Variants in SSBP3 observed in about 807,000 individuals in gnomAD.
SSBP3 encodes single stranded DNA binding protein 3, also known as single-stranded DNA-binding protein 3.
Under a neutral mutation model 69.6 loss-of-function variants are expected in SSBP3, and 5 were observed. The observed-to-expected ratio is 0.07, with a 90% CI of 0.04 to 0.15. The LOEUF is 0.15. Ranked by LOEUF, SSBP3 falls within the 10% of genes least tolerant of loss-of-function variation. SSBP3 has a pLI of 1.00. For missense variants in SSBP3, 312 were observed against 534.0 expected (o/e 0.58, Z 4.10); for synonymous variants, 196 against 193.4 (o/e 1.01, Z -0.11).
At chr1:54,408,050 T>A (rs149893171), upstream of SSBP3, among the ~76,000 whole-genome samples, 1 of 152,178 alleles carries the variant, frequency 6.6e-6, no homozygotes, top group African/African-American at 2.4e-5. Context: ...TTTGGAATAA[T>A]GTTCTACTCA....
chr1:54,291,469 C>T (rs1356590901), intron 4 of SSBP3, among the ~76,000 whole-genome samples: 5 of 137,614 alleles, frequency 3.6e-5, no homozygotes, highest in East Asian at 4.9e-4. Flanking sequence ...GTCTGCACAG[C>T]CACCCCAGCG....
intron 9 of SSBP3, among the ~76,000 whole-genome samples, chr1:54,245,349 C>G (rs1181989247): frequency 1.3e-5 from 2 of 152,206 alleles, no homozygotes; most frequent in Non-Finnish European, 2.9e-5. Context: ...AAATGGACAG[C>G]TAGGATTTAA....
intron 4 of SSBP3, among the ~76,000 whole-genome samples, chr1:54,365,349 C>CGT (rs151153722): frequency 0.061 from 9,224 of 151,254 alleles, 672 homozygotes; most frequent in African/African-American, 0.17. Context: ...GAAAGGTGTG[C>CGT]GTGTGTGTGT....
At chr1:54,345,487 GA>G (rs1646674450) in intron 4 of SSBP3, among the ~76,000 whole-genome samples, 1 of 152,134 alleles carries the variant, frequency 6.6e-6, no homozygotes, top group Admixed American at 6.5e-5. Context: ...CAGAGAGAAG[GA>G]AGAGTAATCT....
chr1:54,395,405 C>T (rs1438734846), intron 4 of SSBP3, among the ~76,000 whole-genome samples: 2 of 152,216 alleles, frequency 1.3e-5, no homozygotes, highest in Non-Finnish European at 2.9e-5. Flanking sequence ...CTGGGCCTTA[C>T]CATTTAGCCA....
chr1:54,369,608 T>C (rs1349445037), intron 4 of SSBP3, among the ~76,000 whole-genome samples: 1 of 152,202 alleles, frequency 6.6e-6, no homozygotes, highest in Non-Finnish European at 1.5e-5. Context: ...TCTGTTCTTG[T>C]GGTCTGGCTA....
At chr1:54,238,129 G>A (rs982626526) in intron 14 of SSBP3, 16 of 470,458 alleles carry the variant, frequency 3.4e-5, no homozygotes, top group Non-Finnish European at 6.6e-5. Flanking sequence ...CCCTGGCAAC[G>A]GAGGCAGGCC....
At chr1:54,388,761 G>T (rs1360730458) in intron 4 of SSBP3, among the ~76,000 whole-genome samples, 1 of 152,222 alleles carries the variant, frequency 6.6e-6, no homozygotes, top group East Asian at 1.9e-4. Context: ...CCTCCAAGCT[G>T]CACTGCCCTA....
At chr1:54,375,160 C>G (rs1647196665) in intron 4 of SSBP3, among the ~76,000 whole-genome samples, 1 of 152,160 alleles carries the variant, frequency 6.6e-6, no homozygotes, top group Non-Finnish European at 1.5e-5. Context: ...GGCAGGACCC[C>G]GTGGTCAGAG....
intron 7 of SSBP3, among the ~76,000 whole-genome samples, chr1:54,254,285 C>A (rs1189329113): frequency 1.3e-5 from 2 of 152,328 alleles, no homozygotes. Flanking sequence ...CCTGCTGCAT[C>A]CGCATGCTCT....
At chr1:54,259,016 C>T (rs1035531308) in intron 5 of SSBP3, among the ~76,000 whole-genome samples, 9 of 152,108 alleles carry the variant, frequency 5.9e-5, no homozygotes, top group Admixed American at 3.9e-4. Context: ...CCAAGAGTTC[C>T]GGTGCAGAGC....
At chr1:54,284,848 T>C (rs1569611663) in intron 4 of SSBP3, among the ~76,000 whole-genome samples, 1 of 152,336 alleles carries the variant, frequency 6.6e-6, no homozygotes, top group South Asian at 2.1e-4. Flanking sequence ...CTAAGATGTT[T>C]TCCTATGAGA....
chr1:54,257,195 AT>A lies in SSBP3; in HGVS notation c.448-10del. 1 of 1,593,222 alleles carries A rather than the reference AT, an allele frequency of 6.3e-7. No individual in the cohort carries two copies. Among genetic ancestry groups the A allele is most frequent in the Non-Finnish European group, 8.5e-7 (1 of 1,172,182 alleles). On this transcript the variant is annotated splice_polypyrimidine_tract_variant and intron_variant, in intron 6 of 17. Coordinates refer to ENST00000610401, the Ensembl canonical transcript of SSBP3. ...CGCGGTGACATAAAAGGCTGCAATT[AT>A]AGGTAATTAGTTCAATGACAGCCTG...
intron 4 of SSBP3, among the ~76,000 whole-genome samples, chr1:54,339,166 AAAAAAG>A (rs889381627): frequency 6.0e-4 from 91 of 152,320 alleles, no homozygotes; most frequent in African/African-American, 1.8e-3. Context: ...GTAACAGAAA[AAAAAAG>A]AAAAAGAAAA....
upstream of SSBP3, among the ~76,000 whole-genome samples, chr1:54,409,506 C>T (rs1014402906): frequency 6.6e-6 from 1 of 151,852 alleles, no homozygotes; most frequent in African/African-American, 2.4e-5. Flanking sequence ...CCCCAGGGAC[C>T]GAGAGAGAGA....
intron 4 of SSBP3, among the ~76,000 whole-genome samples, chr1:54,301,173 T>A (rs557165904): frequency 6.6e-6 from 1 of 152,326 alleles, no homozygotes; most frequent in African/African-American, 2.4e-5. Flanking sequence ...CTGCATCTCA[T>A]CTTTTACCAC....
At chr1:54,227,958 G>A (rs1192797774) in intron 17 of SSBP3, among the ~76,000 whole-genome samples, 1 of 152,172 alleles carries the variant, frequency 6.6e-6, no homozygotes, top group Non-Finnish European at 1.5e-5. Flanking sequence ...AAATGGACCC[G>A]TGGGGCAATA....
intron 14 of SSBP3, among the ~76,000 whole-genome samples, chr1:54,231,077 A>T (rs1292510584): frequency 6.6e-6 from 1 of 152,244 alleles, no homozygotes; most frequent in East Asian, 1.9e-4. Context: ...ACCATATCAC[A>T]GCAGACATCA....
intron 7 of SSBP3, among the ~76,000 whole-genome samples, chr1:54,254,440 G>A (rs979066141): frequency 1.3e-5 from 2 of 152,206 alleles, no homozygotes; most frequent in Admixed American, 6.5e-5. Context: ...CCAATCACCC[G>A]CACTTGAAAA....
Sources: gnomAD v4.1 joint callset for allele counts (sites outside exome capture counted in the v4.1 genomes callset) on GRCh38, gnomAD v4.1.1 for gene constraint, MANE v1.5 for transcripts, NCBI Gene and HGNC (gene_info 2026-07-23, HGNC 2026-07-21) for gene names.